The following GLYCTK variants were observed in gnomAD, a reference collection of about 807,000 sequenced individuals.
The protein encoded by GLYCTK is glycerate kinase.
In GLYCTK, 22 loss-of-function variants were observed where a neutral mutation model predicts 24.8. The ratio of observed to expected loss-of-function variants is 0.89; its 90% CI spans 0.63 to 1.27. The LOEUF is 1.27. Ranked by LOEUF, GLYCTK falls within the 50% of genes most tolerant of loss-of-function variation. The pLI is 0.00. For synonymous variants in GLYCTK, 320 were observed against 297.2 expected, an observed-to-expected ratio of 1.08 and a Z score of -0.79; for missense variants, 684 against 686.7, an observed-to-expected ratio of 1.00 and a Z score of 0.04.
rs528708207 is a variant in GLYCTK at position 52,287,861 on chromosome 3, C to G, written c.-55C>G. ...CGTTCTCCAGCGCTGGGCACCGCGG[C>G]CGGAGCTGTGGGCTGGTAAGTCTGC... On this transcript the variant is annotated 5_prime_UTR_variant, in exon 1 of 5. Coordinates refer to ENST00000436784, the MANE Select transcript of GLYCTK (RefSeq NM_145262.4). The G allele has an allele frequency of 4.4e-6, 2 of 452,586 alleles. No individual in the cohort carries two copies. The highest frequency in any genetic ancestry group is 4.0e-5 in the African/African-American group (2 of 50,004). 28.0% of individuals were successfully genotyped at this position (452,586 alleles called of 1,614,324 possible).
chr3:52,293,589 A>C lies in GLYCTK; in HGVS notation c.*463A>C, dbSNP rs867738340. The stretch of plus-strand genomic sequence containing the variant: ...CTGGCAGGACTCTTAACACCCCTCT[A>C]CTGGGCTGGGTACGTGCAGGATGTG... On this transcript the variant is annotated 3_prime_UTR_variant, in exon 5 of 5. Transcript: ENST00000436784. The C allele has an allele frequency of 3.7e-5, 17 of 456,890 alleles. No individual in the cohort carries two copies. Among genetic ancestry groups the C allele is most frequent in the Non-Finnish European group, 5.7e-5 (13 of 228,898 alleles). 28.3% of individuals were successfully genotyped at this position (456,890 alleles called of 1,614,324 possible).
At position 52,290,972 on chromosome 3, in the gene GLYCTK, G is replaced by C; in HGVS notation, c.390G>C (p.Leu130=). ...MERAGKQEML[L]KPHSRVQVFE... is the part of the protein sequence containing the mutation. ...TTTCCCTCCCCAGGGAGATGCTGCT[G>C]AAGCCACATAGCCGTGTCCAGGTAT... The change falls in exon 3 of 5, where the codon CTG becomes CTC. Residue 130 remains leucine (L), a synonymous_variant. Coordinates refer to ENST00000436784, the MANE Select transcript of GLYCTK (RefSeq NM_145262.4). 6.2e-7 allele frequency: 1 copy of C among 1,614,088 alleles called. No individual in the cohort carries two copies. The highest frequency in any genetic ancestry group is 8.5e-7 in the Non-Finnish European group (1 of 1,180,034).
chr3:52,294,735 T>C lies in GLYCTK; in HGVS notation c.*1609T>C. On this transcript the variant is annotated 3_prime_UTR_variant, in exon 5 of 5. Transcript: ENST00000436784. ...AGCCTGTTCCTGCCTCAGTCCTTGC[T>C]CTTGGGAGCATGAGTATTGGCACTG... is the stretch of plus-strand genomic sequence containing the variant. 2.2e-6 allele frequency: 1 copy of C among 447,648 alleles called. No individual in the cohort carries two copies. Among genetic ancestry groups the C allele is most frequent in the South Asian group, 1.6e-5 (1 of 63,978 alleles). The allele number at this position is 447,648 out of a possible 1,614,324, so 27.7% of individuals were successfully genotyped here. A position where few individuals can be genotyped will look rare whatever the true frequency, so the allele number is the denominator to read the frequency against.
At chr3:52,289,455 CTTGT>C (rs1374047707) in intron 1 of GLYCTK, among the ~76,000 whole-genome samples, 1 of 152,146 alleles carries the variant, frequency 6.6e-6, no homozygotes, top group Non-Finnish European at 1.5e-5. Context: ...TGACCTAGGA[CTTGT>C]TTTTGTTATC....
In GLYCTK at chr3:52,292,756, C is replaced by T. The variant is rs762933911; in HGVS notation, c.1202C>T (p.Pro401Leu). The change falls in exon 5 of 5, where the codon CCA becomes CTA. Residue 401 changes from proline (P) to leucine (L), a missense_variant. By Grantham distance (98) the Pro-to-Leu change is moderately conservative (BLOSUM62 -3). Transcript: ENST00000436784. ...GAGACCATGGCATGGGGAAGGGGCC[C>T]AGTCTGCCTGCTGGCTGGTGGCGAG... The part of the protein sequence containing the change: ...ALETMAWGRG[P>L]VCLLAGGEPT... 3 of 1,608,114 alleles carry T rather than the reference C, an allele frequency of 1.9e-6. No individual in the cohort carries two copies. Among genetic ancestry groups the T allele is most frequent in the South Asian group, 2.2e-5 (2 of 90,684 alleles).
rs1383619066 is a variant in GLYCTK, at chr3:52,293,159, G to T, written c.*33G>T. 1.2e-6 allele frequency: 2 copies of T among 1,610,922 alleles called. No homozygotes were observed. Among genetic ancestry groups the T allele is most frequent in the Non-Finnish European group, 1.7e-6 (2 of 1,179,676 alleles). ...GGTCACATTTTGGGAGTTCAGAGGA[G>T]GCCTACAAGGGCAAGGTCAGATGGC... On this transcript the variant is annotated 3_prime_UTR_variant, in exon 5 of 5. Coordinates refer to ENST00000436784, the MANE Select transcript of GLYCTK (RefSeq NM_145262.4).
At position 52,290,495 on chromosome 3, in the gene GLYCTK, G is replaced by A. The variant is rs199870798; in HGVS notation, c.153G>A (p.Pro51=). 4.5e-5 allele frequency: 73 copies of A among 1,613,358 alleles called. 1 individual carries two copies. Among genetic ancestry groups the A allele is most frequent in the Admixed American group, 1.7e-4 (10 of 60,024 alleles). Residue 51 remains proline (P), a synonymous_variant, in exon 2 of 5, where the codon CCG becomes CCA. Transcript: ENST00000436784. ...LFESAVGAVL[P]GPMLHRALSL... ...AGAGTGCTGTAGGTGCAGTGCTGCCGGGCCCCATGCTGCACCGGGCACTAT... is the reference window on the plus strand; with the variant it reads ...AGAGTGCTGTAGGTGCAGTGCTGCCAGGCCCCATGCTGCACCGGGCACTAT...
chr3:52,291,004 G>C lies in GLYCTK; in HGVS notation c.422G>C (p.Gly141Ala). 1 of 1,614,050 alleles carries C rather than the reference G, an allele frequency of 6.2e-7. No individual in the cohort carries two copies. Among genetic ancestry groups the C allele is most frequent in the Non-Finnish European group, 8.5e-7 (1 of 1,180,012 alleles). ...KPHSRVQVFE[G>A]AEDNLPDRDA... ...CATAGCCGTGTCCAGGTATTCGAGG[G>C]TGCGGAGGACAACCTCCCGGACCGC... The change falls in exon 3 of 5, where the codon GGT (glycine) becomes GCT (alanine). Residue 141 changes from glycine to alanine, a missense_variant. Transcript: ENST00000436784.
At position 52,290,606 on chromosome 3, in the gene GLYCTK, G is replaced by A; in HGVS notation, c.264G>A (p.Lys88=). The part of the protein sequence containing the change: ...RQNLYLVGFG[K]AVLGMAAAAE... ...ACCTCTACCTGGTGGGCTTTGGCAA[G>A]GCTGTGCTGGGTATGGCAGCTGCAG... Residue 88 remains lysine, a synonymous_variant, in exon 2 of 5, where the codon AAG becomes AAA. Transcript: ENST00000436784. The A allele has an allele frequency of 6.2e-7, 1 of 1,614,014 alleles. No homozygotes were observed. Among genetic ancestry groups the A allele is most frequent in the Non-Finnish European group, 8.5e-7 (1 of 1,180,034 alleles).
chr3:52,291,046 C>T lies in GLYCTK; in HGVS notation c.464C>T (p.Ala155Val), dbSNP rs1431105166. The change falls in exon 3 of 5, where the codon GCA becomes GTA. Residue 155 changes from alanine to valine, a missense_variant. By Grantham distance (64) the Ala-to-Val change is moderately conservative. Transcript: ENST00000436784. The part of the protein sequence containing the change: ...NLPDRDALRA[A>V]LAIQQLAEGL... Reference sequence around the variant, plus strand: ...CCGGACCGCGATGCGCTGCGGGCTGCACTGGCCATCCAGCAACTGGCTGAG... The same window carrying T: ...CCGGACCGCGATGCGCTGCGGGCTGTACTGGCCATCCAGCAACTGGCTGAG... 6.2e-7 allele frequency: 1 copy of T among 1,613,674 alleles called. No homozygotes were observed. The highest frequency in any genetic ancestry group is 1.1e-5 in the South Asian group (1 of 91,090).
chr3:52,294,698 G>A lies in GLYCTK; in HGVS notation c.*1572G>A, dbSNP rs1469030803. The A allele has an allele frequency of 2.3e-6, 1 of 440,144 alleles. No homozygotes were observed. Among genetic ancestry groups the A allele is most frequent in the Non-Finnish European group, 4.6e-6 (1 of 217,622 alleles). The allele number at this position is 440,144 out of a possible 1,614,324, so 27.3% of individuals were successfully genotyped here. ...CCTGTGCCGTGGTGCTCCTCTGGCA[G>A]CGTCTACATGTAGCCTGTTCCTGCC... On this transcript the variant is annotated 3_prime_UTR_variant, in exon 5 of 5. Transcript: ENST00000436784.
Position 52,293,640 on chromosome 3 carries a change from A to C in GLYCTK, c.*514A>C, listed in dbSNP as rs1405650298. Reference sequence around the variant, plus strand: ...CCTCGCATAACGGGAGCCTGTGCCCATCCCTCTGGAGTGTGTGAGGGTTGA... The same window carrying C: ...CCTCGCATAACGGGAGCCTGTGCCCCTCCCTCTGGAGTGTGTGAGGGTTGA... On this transcript the variant is annotated 3_prime_UTR_variant, in exon 5 of 5. Coordinates refer to ENST00000436784, the MANE Select transcript of GLYCTK (RefSeq NM_145262.4). 1 of 454,282 alleles carries C rather than the reference A, an allele frequency of 2.2e-6. No homozygotes were observed. Among genetic ancestry groups the C allele is most frequent in the East Asian group, 6.9e-5 (1 of 14,392 alleles). 28.1% of individuals were successfully genotyped at this position (454,282 alleles called of 1,614,324 possible). A position where few individuals can be genotyped will look rare whatever the true frequency, so the allele number is the denominator to read the frequency against.
Position 52,290,986 on chromosome 3 carries a change from G to C in GLYCTK, c.404G>C (p.Arg135Pro). 6.2e-7 allele frequency: 1 copy of C among 1,614,086 alleles called. No individual in the cohort carries two copies. The highest frequency in any genetic ancestry group is 8.5e-7 in the Non-Finnish European group (1 of 1,180,018). Residue 135 changes from arginine (R) to proline (P), a missense_variant, in exon 3 of 5, where the codon CGT (arginine) becomes CCT (proline). Arg to Pro is a moderately radical substitution (Grantham distance 103). Transcript: ENST00000436784. The part of the protein sequence containing the change: ...KQEMLLKPHS[R>P]VQVFEGAEDN... ...GAGATGCTGCTGAAGCCACATAGCC[G>C]TGTCCAGGTATTCGAGGGTGCGGAG...
Position 52,290,354 on chromosome 3 carries a change from C to T in GLYCTK, c.12C>T (p.Ala4=). 6.3e-7 allele frequency: 1 copy of T among 1,597,794 alleles called. No homozygotes were observed. Among genetic ancestry groups the T allele is most frequent in the Non-Finnish European group, 8.5e-7 (1 of 1,179,182 alleles). The part of the protein sequence containing the change: MAA[A]LQVLPRLARA... ...GAGAGCAGTGGGGCATGGCTGCAGC[C>T]CTGCAGGTCCTGCCCCGCTTGGCCC... The change falls in exon 2 of 5, where the codon GCC becomes GCT. Residue 4 remains alanine (A), a synonymous_variant. Coordinates refer to ENST00000436784, the MANE Select transcript of GLYCTK (RefSeq NM_145262.4).
intron 1 of GLYCTK, among the ~76,000 whole-genome samples, chr3:52,288,412 G>A (rs891880191): frequency 6.6e-6 from 1 of 152,150 alleles, no homozygotes; most frequent in South Asian, 2.1e-4. Flanking sequence ...GTTTCACCAC[G>A]TTGGTCAGGC....
rs138024670 is a variant in GLYCTK, at chr3:52,293,870, G to A, written c.*744G>A. The stretch of plus-strand genomic sequence containing the variant: ...TTTGGACAGCCCTTAGCCACATACT[G>A]CACTTCTGGTTGAGCTGAAGTTTGT... On this transcript the variant is annotated 3_prime_UTR_variant, in exon 5 of 5. Transcript: ENST00000436784. 2.9e-4 allele frequency: 131 copies of A among 454,108 alleles called. No individual in the cohort carries two copies. Among genetic ancestry groups the A allele is most frequent in the African/African-American group, 2.4e-3 (120 of 50,140 alleles). 28.1% of individuals were successfully genotyped at this position (454,108 alleles called of 1,614,324 possible). A position where few individuals can be genotyped will look rare whatever the true frequency, so the allele number is the denominator to read the frequency against.
chr3:52,294,930 G>C lies in GLYCTK; in HGVS notation c.*1804G>C. On this transcript the variant is annotated 3_prime_UTR_variant, in exon 5 of 5. Transcript: ENST00000436784. ...GAATGCATCTCTGAGTGTACACATA[G>C]ATACTTAGTACAGGGCACATGACTC... The C allele has an allele frequency of 2.2e-6, 1 of 454,096 alleles. No homozygotes were observed. The highest frequency in any genetic ancestry group is 1.6e-5 in the South Asian group (1 of 64,476). 28.1% of individuals were successfully genotyped at this position (454,096 alleles called of 1,614,324 possible).
chr3:52,291,941 C>T lies in GLYCTK; in HGVS notation c.705+19C>T, dbSNP rs770007051. ...TGCCCAGGTATGAGTCCCTTCTTCCCCAGGCAACCTTGGGTTGGTGGAGCC... is the reference window on the plus strand; with the variant it reads ...TGCCCAGGTATGAGTCCCTTCTTCCTCAGGCAACCTTGGGTTGGTGGAGCC... On this transcript the variant is annotated intron_variant, in intron 4 of 4. Transcript: ENST00000436784. The T allele has an allele frequency of 5.6e-6, 9 of 1,607,680 alleles. No homozygotes were observed. The highest frequency in any genetic ancestry group is 7.7e-6 in the Non-Finnish European group (9 of 1,176,218).
intron 3 of GLYCTK, 106 bp downstream of exon 3, chr3:52,291,217 A>C (rs2153220933): frequency 1.4e-6 from 2 of 1,412,994 alleles, no homozygotes; most frequent in African/African-American, 1.4e-5. Context: ...GGGTAAAGTT[A>C]GGAGCAAGGG....
Sources: gnomAD v4.1 joint callset for allele counts (sites outside exome capture counted in the v4.1 genomes callset) on GRCh38, gnomAD v4.1.1 for gene constraint, MANE v1.5 for transcripts, NCBI Gene and HGNC (gene_info 2026-07-23, HGNC 2026-07-21) for gene names.